Variants in FARS2 observed in about 807,000 individuals in gnomAD.
FARS2 encodes phenylalanyl-tRNA synthetase 2, mitochondrial.
A neutral mutation model predicts 46.4 loss-of-function variants in FARS2; 40 were observed. The observed-to-expected ratio is 0.86, with a 90% confidence interval of 0.67 to 1.12. The LOEUF (loss-of-function observed/expected upper bound fraction) is 1.12, where lower values mean the gene tolerates loss of function less well. Ranked by LOEUF, FARS2 falls within the 50% of genes most tolerant of loss-of-function variation. FARS2 has a pLI of 0.00. For synonymous variants in FARS2, 234 were observed against 214.9 expected (o/e 1.09, Z -0.78); for missense variants, 513 against 567.9 (o/e 0.90, Z 0.98).
intron 4 of FARS2, among the ~76,000 whole-genome samples, chr6:5,543,899 T>C (rs1395066815): frequency 1.3e-5 from 2 of 151,406 alleles, no homozygotes; most frequent in Non-Finnish European, 2.9e-5. Flanking sequence ...TTTTTTTTTT[T>C]CTGGGTAACA....
In FARS2 at chr6:5,687,691, TG is replaced by T. The variant is rs770426427; in HGVS notation, c.1217+74373del. On this transcript the variant is annotated intron_variant, in intron 6 of 6. Transcript: ENST00000274680. Reference sequence around the variant, plus strand: ...TGACTTGGCAATGTGGGCTCTTTTTTGGTTCCATATGAACTTTAAAGTAGTT... The same window carrying T: ...TGACTTGGCAATGTGGGCTCTTTTTTGTTCCATATGAACTTTAAAGTAGTT... Among the ~76,000 whole-genome samples, 11 of 152,340 alleles carry T rather than the reference TG, an allele frequency of 7.2e-5. No individual in the cohort carries two copies. In the South Asian group the frequency reaches 1.5e-3, roughly 20 times the overall value.
chr6:5,700,284 T>C (rs941595990), intron 6 of FARS2, among the ~76,000 whole-genome samples: 5 of 152,262 alleles, frequency 3.3e-5, no homozygotes, highest in Non-Finnish European at 7.3e-5. Flanking sequence ...TTTTTTGTTT[T>C]AGTCTTATTG....
chr6:5,686,305 A>C (rs1757205157), intron 6 of FARS2, among the ~76,000 whole-genome samples: 1 of 151,338 alleles, frequency 6.6e-6, no homozygotes, highest in Admixed American at 6.6e-5. Context: ...GCACCCATTA[A>C]CTCGTCATTT....
At chr6:5,326,121 CTAAGA>C (rs1770361858) in intron 1 of FARS2, among the ~76,000 whole-genome samples, 1 of 152,184 alleles carries the variant, frequency 6.6e-6, no homozygotes, top group Admixed American at 6.5e-5. Context: ...TTAACTCATC[CTAAGA>C]TAAATGGACA....
chr6:5,347,484 C>T (rs980038734), intron 1 of FARS2, among the ~76,000 whole-genome samples: 1 of 152,026 alleles, frequency 6.6e-6, no homozygotes, highest in Non-Finnish European at 1.5e-5. Context: ...GAGATTCATC[C>T]ACGTTGTGTG....
At chr6:5,652,776 G>A (rs1369059935) in intron 6 of FARS2, among the ~76,000 whole-genome samples, 2 of 152,216 alleles carry the variant, frequency 1.3e-5, no homozygotes, top group African/African-American at 4.8e-5. Context: ...CACCTCCCGC[G>A]GCTGTGGGAA....
chr6:5,613,869 A>G (rs1775320401), intron 6 of FARS2, among the ~76,000 whole-genome samples: 1 of 152,226 alleles, frequency 6.6e-6, no homozygotes. Flanking sequence ...TGTCATCAAA[A>G]AACTAATTTC....
intron 6 of FARS2, among the ~76,000 whole-genome samples, chr6:5,722,388 G>A (rs1346495737): frequency 6.6e-6 from 1 of 152,176 alleles, no homozygotes; most frequent in Non-Finnish European, 1.5e-5. Context: ...TGTAAAGGGG[G>A]AAGATAGATA....
At chr6:5,441,914 A>G (rs1763863858) in intron 4 of FARS2, among the ~76,000 whole-genome samples, 1 of 152,174 alleles carries the variant, frequency 6.6e-6, no homozygotes, top group Non-Finnish European at 1.5e-5. Context: ...GACGTTGTTC[A>G]ACTTATTTTG....
upstream of FARS2, chr6:5,260,986 C>T (rs1765066593): frequency 1.7e-6 from 2 of 1,160,460 alleles, no homozygotes; most frequent in Non-Finnish European, 1.1e-6. Flanking sequence ...GAGGGAGATG[C>T]CTCCGCCCCG....
At chr6:5,564,712 A>G (rs993455692) in intron 5 of FARS2, among the ~76,000 whole-genome samples, 15 of 152,352 alleles carry the variant, frequency 9.8e-5, no homozygotes, top group Non-Finnish European at 1.2e-4. Flanking sequence ...ACTGTTCCAC[A>G]AGGAATTTCA....
intron 6 of FARS2, among the ~76,000 whole-genome samples, chr6:5,685,936 A>C (rs1481072018): frequency 1.3e-5 from 2 of 152,208 alleles, no homozygotes; most frequent in Non-Finnish European, 2.9e-5. Flanking sequence ...TAACTTTAGA[A>C]TACTCTTCCC....
chr6:5,610,649 G>A lies in FARS2; in HGVS notation c.1066-2520G>A, dbSNP rs771566648. ...CAATCCCCCTCAGATACTGAGGGAC[G>A]ACTATATGCAGTTATCTGATAAAAC... On this transcript the variant is annotated intron_variant, in intron 5 of 6. Transcript: ENST00000274680. Among the ~76,000 whole-genome samples the A allele has an allele frequency of 6.2e-4, 95 of 152,250 alleles. 1 individual carries two copies. Among genetic ancestry groups the A allele is most frequent in the South Asian group, 4.2e-4 (2 of 4,812 alleles).
At chr6:5,633,565 G>A (rs1448098126) in intron 6 of FARS2, among the ~76,000 whole-genome samples, 1 of 152,002 alleles carries the variant, frequency 6.6e-6, no homozygotes, top group African/African-American at 2.4e-5. Flanking sequence ...ACCACGCCCG[G>A]CACCTGGCTT....
chr6:5,731,485 T>C lies in FARS2; in HGVS notation c.1218-39806T>C, dbSNP rs143085801. On this transcript the variant is annotated intron_variant, in intron 6 of 6. Coordinates refer to ENST00000274680, the MANE Select transcript of FARS2 (RefSeq NM_006567.5). ...CTGCTTCTGCACTCACGCCCTGGGC[T>C]CCTGCCCCTTGGATTAGAAGCCATG... 4.6e-3 allele frequency among the ~76,000 whole-genome samples: 705 copies of C among 152,314 alleles called. 5 individuals are homozygous for C. The highest frequency in any genetic ancestry group is 0.016 in the African/African-American group (673 of 41,578).
chr6:5,657,638 C>T (rs1381861926), intron 6 of FARS2, among the ~76,000 whole-genome samples: 1 of 152,150 alleles, frequency 6.6e-6, no homozygotes, highest in Admixed American at 6.5e-5. Context: ...ATAAGTGCTC[C>T]AGGGAGATGT....
At chr6:5,762,895 GGAGGCACCGCTCAGAAT>G (rs1318479387) in intron 6 of FARS2, among the ~76,000 whole-genome samples, 1 of 152,230 alleles carries the variant, frequency 6.6e-6, no homozygotes, top group Non-Finnish European at 1.5e-5. Context: ...GGGAGCTGGG[GGAGGCACCGCTCAGAAT>G]GGCCCCACAG....
At chr6:5,347,515 C>T (rs1032265714) in intron 1 of FARS2, among the ~76,000 whole-genome samples, 8 of 151,750 alleles carry the variant, frequency 5.3e-5, no homozygotes, top group African/African-American at 7.3e-5. Flanking sequence ...TGTGTGTGTG[C>T]GTGTGTGTGT....
At chr6:5,587,150 G>C (rs1582515725) in intron 5 of FARS2, among the ~76,000 whole-genome samples, 2 of 151,944 alleles carry the variant, frequency 1.3e-5, no homozygotes, top group East Asian at 3.9e-4. Context: ...AACCTTTTTG[G>C]GCCTAATTTT....
Sources: allele counts gnomAD v4.1 joint callset (sites outside exome capture counted in the v4.1 genomes callset), GRCh38; gene constraint gnomAD v4.1.1; transcripts MANE v1.5; gene names NCBI Gene and HGNC (gene_info 2026-07-23, HGNC 2026-07-21).